ARSG: variants seen among roughly 807,000 people sequenced by gnomAD.
The protein encoded by ARSG is arylsulfatase G.
A neutral mutation model predicts 50.5 loss-of-function variants in ARSG; 37 were observed. The ratio of observed to expected loss-of-function variants is 0.73; its 90% confidence interval spans 0.56 to 0.96. The LOEUF (loss-of-function observed/expected upper bound fraction) is 0.96, where lower values mean the gene tolerates loss of function less well. Ranked by LOEUF, ARSG falls within the 50% of genes least tolerant of loss-of-function variation. The pLI is 0.00. For synonymous variants in ARSG, 225 were observed against 254.6 expected, an observed-to-expected ratio of 0.88 and a Z score of 1.11; for missense variants, 629 against 675.3, an observed-to-expected ratio of 0.93 and a Z score of 0.76.
intron 1 of ARSG, among the ~76,000 whole-genome samples, chr17:68,295,960 A>G (rs1599603303): frequency 6.6e-6 from 1 of 152,142 alleles, no homozygotes; most frequent in African/African-American, 2.4e-5. Context: ...GATTATAGGC[A>G]TGAGCCACTG....
intron 9 of ARSG, among the ~76,000 whole-genome samples, chr17:68,393,347 T>C (rs2081084842): frequency 6.6e-6 from 1 of 152,162 alleles, no homozygotes; most frequent in Non-Finnish European, 1.5e-5. Context: ...GTCCGCCCTT[T>C]GTCCGGTGGA....
intron 2 of ARSG, among the ~76,000 whole-genome samples, chr17:68,308,740 T>G (rs557059893): frequency 6.6e-6 from 1 of 152,210 alleles, no homozygotes; most frequent in Non-Finnish European, 1.5e-5. Flanking sequence ...ATTGGTGTGT[T>G]TACAAACCTT....
intron 8 of ARSG, among the ~76,000 whole-genome samples, chr17:68,375,221 G>C (rs921194778): frequency 6.6e-6 from 1 of 152,010 alleles, no homozygotes; most frequent in Non-Finnish European, 1.5e-5. Context: ...GTTGGTCCAG[G>C]GACCAAACTT....
At position 68,317,290 on chromosome 17, in the gene ARSG, G is replaced by A. The variant is rs2077103336; in HGVS notation, c.218+9579G>A. On this transcript the variant is annotated intron_variant, in intron 2 of 11. Transcript: ENST00000621439. ...CACAGCCTTAAGCCCATTTACAGTA[G>A]CCCAGGTCAAAGAGCATTCATGTCA... is the stretch of plus-strand genomic sequence containing the variant. Among the ~76,000 whole-genome samples the A allele has an allele frequency of 2.6e-5, 4 of 152,098 alleles. 1 individual carries two copies. The South Asian group carries it at 8.3e-4, about 32-fold the overall frequency.
At chr17:68,278,994 A>G (rs535029905) in intron 1 of ARSG, among the ~76,000 whole-genome samples, 6 of 152,306 alleles carry the variant, frequency 3.9e-5, no homozygotes, top group Middle Eastern at 3.4e-3. Context: ...ATGTATATAC[A>G]AATCTTGGTA....
downstream of ARSG, chr17:68,425,800 G>A (rs952310498): frequency 7.5e-5 from 27 of 360,046 alleles, no homozygotes; most frequent in Non-Finnish European, 1.1e-4. Flanking sequence ...GTAAGGGATC[G>A]CAGGCCTCTG....
At chr17:68,379,161 G>A (rs867107187) in intron 8 of ARSG, among the ~76,000 whole-genome samples, 6 of 152,172 alleles carry the variant, frequency 3.9e-5, no homozygotes, top group African/African-American at 1.2e-4. Context: ...AGGCCAGGCC[G>A]CCCTGTGTTT....
At chr17:68,343,521 C>A in intron 2 of ARSG, 83 bp from the exon 3 acceptor site, 2 of 1,301,940 alleles carry the variant, frequency 1.5e-6, no homozygotes, top group Non-Finnish European at 2.1e-6. Context: ...ACTGAAATTG[C>A]AGGAACTGAG....
chr17:68,424,398 G>T, downstream of ARSG: 2 of 531,656 alleles, frequency 3.8e-6, no homozygotes, highest in Non-Finnish European at 7.7e-6. Flanking sequence ...TCACTAGAGG[G>T]TTCCACGGAT....
intron 2 of ARSG, among the ~76,000 whole-genome samples, chr17:68,320,904 G>A (rs927299627): frequency 6.6e-6 from 1 of 152,106 alleles, no homozygotes; most frequent in East Asian, 1.9e-4. Flanking sequence ...TTGTGTGTGT[G>A]CTTCCTTGAA....
intron 7 of ARSG, among the ~76,000 whole-genome samples, chr17:68,369,701 A>G (rs1258159470): frequency 6.6e-6 from 1 of 152,208 alleles, no homozygotes; most frequent in Non-Finnish European, 1.5e-5. Flanking sequence ...AATTAAGCTA[A>G]TAACCGAATC....
chr17:68,270,503 G>A (rs2075302166), intron 1 of ARSG, among the ~76,000 whole-genome samples: 1 of 150,608 alleles, frequency 6.6e-6, no homozygotes, highest in African/African-American at 2.4e-5. Context: ...GCAGTGAGCT[G>A]AGACTGCGCC....
Position 68,367,060 on chromosome 17 carries a change from G to T in ARSG, c.705-1488G>T, listed in dbSNP as rs2079581945. Among the ~76,000 whole-genome samples, 1 of 152,206 alleles carries T rather than the reference G, an allele frequency of 6.6e-6. No homozygotes were observed. Among genetic ancestry groups the T allele is most frequent in the South Asian group, 2.1e-4 (1 of 4,832 alleles). ...TCCGGGTCCACCCATGTGCTAGCGT[G>T]TGGGCCATGGAACTTTTAATATGAT... On this transcript the variant is annotated intron_variant, in intron 6 of 11. Transcript: ENST00000621439. This position sits in a 1 kb window ranked among gnomAD's most constrained non-coding sequence, Gnocchi z 4.5.
At chr17:68,331,625 G>A (rs1461992308) in intron 2 of ARSG, among the ~76,000 whole-genome samples, 1 of 152,190 alleles carries the variant, frequency 6.6e-6, no homozygotes, top group South Asian at 2.1e-4. Flanking sequence ...GCTTCCCAAA[G>A]TGCTAGGATT....
intron 8 of ARSG, among the ~76,000 whole-genome samples, chr17:68,380,345 G>C (rs555042057): frequency 2.0e-5 from 3 of 151,596 alleles, no homozygotes; most frequent in Non-Finnish European, 2.9e-5. Flanking sequence ...GGGCTCAAGC[G>C]ATCATCCCAC....
chr17:68,342,709 A>G (rs1411044391), intron 2 of ARSG, among the ~76,000 whole-genome samples: 2 of 152,218 alleles, frequency 1.3e-5, no homozygotes, highest in Non-Finnish European at 2.9e-5. Flanking sequence ...TTGAGTGCTT[A>G]GGAACACTAC....
At chr17:68,445,132 CTGG>C in the ARSG span, among the ~76,000 whole-genome samples, 1 of 152,116 alleles carries the variant, frequency 6.6e-6, no homozygotes, top group South Asian at 2.1e-4. Flanking sequence ...GTTGATCAGG[CTGG>C]TCTCGAACTC....
At chr17:68,337,981 CTT>C (rs1347770349) in intron 2 of ARSG, among the ~76,000 whole-genome samples, 1 of 152,156 alleles carries the variant, frequency 6.6e-6, no homozygotes, top group Non-Finnish European at 1.5e-5. Flanking sequence ...CTCCAGGAAA[CTT>C]CTGTTTCAGG....
chr17:68,411,819 G>C (rs2147366093), intron 11 of ARSG, among the ~76,000 whole-genome samples: 1 of 149,570 alleles, frequency 6.7e-6, no homozygotes, highest in Admixed American at 6.6e-5. Flanking sequence ...TGTATTGGGT[G>C]CATATATATT....
Sources: allele counts gnomAD v4.1 joint callset (sites outside exome capture counted in the v4.1 genomes callset), GRCh38; gene constraint gnomAD v4.1.1; non-coding constraint Gnocchi (gnomAD v3.1); transcripts MANE v1.5; gene names NCBI Gene and HGNC (gene_info 2026-07-23, HGNC 2026-07-21).